Variants in PKIB observed in about 807,000 individuals in gnomAD.
The protein encoded by PKIB is cAMP-dependent protein kinase inhibitor beta, also known as PKI-beta.
PKIB carries 2 observed loss-of-function variants against 4.5 expected under a neutral mutation model. That is an observed-to-expected ratio of 0.44 (90% CI 0.18 to 1.39). The LOEUF (loss-of-function observed/expected upper bound fraction) is 1.39. Among genes scored for constraint, PKIB ranks in the 40% most tolerant of loss-of-function variants. The pLI is 0.27. For missense variants in PKIB, 94 were observed against 92.6 expected (o/e 1.02, Z -0.06); for synonymous variants, 38 against 36.0 (o/e 1.06, Z -0.20).
intron 2 of PKIB, among the ~76,000 whole-genome samples, chr6:122,503,592 A>T (rs1776310553): frequency 6.6e-6 from 1 of 152,186 alleles, no homozygotes; most frequent in South Asian, 2.1e-4. Context: ...CATGACCACA[A>T]GCTTCCTTCA....
Position 122,717,913 on chromosome 6 carries a change from A to G in PKIB, c.119A>G (p.Asp40Gly). 1 of 1,614,102 alleles carries G rather than the reference A, an allele frequency of 6.2e-7. No homozygotes were observed. The highest frequency in any genetic ancestry group is 8.5e-7 in the Non-Finnish European group (1 of 1,179,966). ...LPDIQSSAAT[D>G]GTSDLPLKLE... Reference sequence around the variant, plus strand: ...GACATCCAGAGTTCAGCTGCCACAGACGGAACCTCAGATTTGCCCCTCAAA... The same window carrying G: ...GACATCCAGAGTTCAGCTGCCACAGGCGGAACCTCAGATTTGCCCCTCAAA... The change falls in exon 4 of 5, where the codon GAC becomes GGC. Residue 40 changes from aspartate to glycine, a missense_variant. Physicochemically the swap from Asp to Gly is moderately conservative, Grantham distance 94. Coordinates refer to ENST00000368452, the MANE Select transcript of PKIB (RefSeq NM_181795.3).
intron 2 of PKIB, among the ~76,000 whole-genome samples, chr6:122,582,837 G>C (rs1292491416): frequency 6.6e-6 from 1 of 152,022 alleles, no homozygotes; most frequent in African/African-American, 2.4e-5. Context: ...ACCTAAAACA[G>C]TACCTAACAC....
At chr6:122,488,893 C>T (rs1394694412) in intron 2 of PKIB, among the ~76,000 whole-genome samples, 4 of 152,152 alleles carry the variant, frequency 2.6e-5, no homozygotes, top group Non-Finnish European at 5.9e-5. Flanking sequence ...TGTGTGTTCC[C>T]AGTGATAATT....
At chr6:122,474,831 A>G (rs540605607) in intron 1 of PKIB, among the ~76,000 whole-genome samples, 3 of 152,334 alleles carry the variant, frequency 2.0e-5, no homozygotes, top group South Asian at 4.1e-4. Flanking sequence ...CAGATAAACT[A>G]TAGTTGTGAC....
intron 2 of PKIB, among the ~76,000 whole-genome samples, chr6:122,645,801 G>A (rs1024820851): frequency 1.3e-5 from 2 of 152,164 alleles, no homozygotes; most frequent in Admixed American, 1.3e-4. Flanking sequence ...TACTGGAGCT[G>A]GGAGCCAGGA....
At chr6:122,607,560 A>G (rs1774586590), upstream of PKIB, among the ~76,000 whole-genome samples, 1 of 152,136 alleles carries the variant, frequency 6.6e-6, no homozygotes, top group Non-Finnish European at 1.5e-5. Context: ...TGAACAGGTC[A>G]TAGACCCACG....
At chr6:122,722,884 A>C (rs746946979) in intron 4 of PKIB, among the ~76,000 whole-genome samples, 3 of 152,050 alleles carry the variant, frequency 2.0e-5, no homozygotes, top group Non-Finnish European at 4.4e-5. Flanking sequence ...TAAGATTTTC[A>C]CCTCACCACA....
Position 122,678,248 on chromosome 6 carries a change from T to C in PKIB, c.-9+3104T>C, listed in dbSNP as rs184361683. On this transcript the variant is annotated intron_variant, in intron 3 of 4. Transcript: ENST00000368452. ...CAGGCATAGAAAGTGCTCTTAACTG[T>C]CCAGCTCTATGAAAGTGAGAGCATC... Among the ~76,000 whole-genome samples, 4 of 152,244 alleles carry C rather than the reference T, an allele frequency of 2.6e-5. No individual in the cohort carries two copies. In the East Asian group the frequency reaches 7.7e-4, roughly 29 times the overall value.
chr6:122,587,642 A>G (rs1043437412), intron 3 of PKIB, among the ~76,000 whole-genome samples: 6 of 152,160 alleles, frequency 3.9e-5, no homozygotes, highest in African/African-American at 1.4e-4. Context: ...CAGCCCCACC[A>G]ACAGTGTAAA....
At chr6:122,508,437 T>C (rs1396259623) in intron 2 of PKIB, among the ~76,000 whole-genome samples, 1 of 152,178 alleles carries the variant, frequency 6.6e-6, no homozygotes, top group Non-Finnish European at 1.5e-5. Context: ...TTACATAATT[T>C]GATATTTGTT....
intron 2 of PKIB, among the ~76,000 whole-genome samples, chr6:122,541,551 C>T (rs991872206): frequency 2.9e-4 from 44 of 152,090 alleles, no homozygotes; most frequent in African/African-American, 5.1e-4. Context: ...CCGAGAGATC[C>T]GCTGTTAATC....
At chr6:122,559,112 C>A (rs867212589) in intron 2 of PKIB, among the ~76,000 whole-genome samples, 6 of 151,858 alleles carry the variant, frequency 4.0e-5, no homozygotes, top group Middle Eastern at 6.8e-3. Flanking sequence ...AGTATTCCAT[C>A]ATATATATAT....
intron 3 of PKIB, among the ~76,000 whole-genome samples, chr6:122,697,459 A>C (rs1778622124): frequency 6.6e-6 from 1 of 151,852 alleles, no homozygotes; most frequent in Admixed American, 6.6e-5. Context: ...TAGGCACCTG[A>C]CCAAGCAGAG....
chr6:122,565,356 A>G (rs1214731826), intron 2 of PKIB, among the ~76,000 whole-genome samples: 1 of 152,106 alleles, frequency 6.6e-6, no homozygotes, highest in African/African-American at 2.4e-5. Context: ...CCTTTGCACT[A>G]ACTTTTTCTT....
At chr6:122,568,203 A>T (rs1773250917) in intron 2 of PKIB, among the ~76,000 whole-genome samples, 1 of 152,214 alleles carries the variant, frequency 6.6e-6, no homozygotes, top group African/African-American at 2.4e-5. Context: ...TTAAAGTAAA[A>T]AAATTACTGA....
chr6:122,577,523 C>T (rs1336802145), intron 2 of PKIB, among the ~76,000 whole-genome samples: 1 of 152,012 alleles, frequency 6.6e-6, no homozygotes, highest in African/African-American at 2.4e-5. Flanking sequence ...AAAAACTACC[C>T]ATTTCTTCTC....
chr6:122,629,698 G>A (rs1775612586), intron 1 of PKIB, among the ~76,000 whole-genome samples: 1 of 152,162 alleles, frequency 6.6e-6, no homozygotes, highest in Non-Finnish European at 1.5e-5. Context: ...ATGATGTGAT[G>A]AAAATGGCAC....
intron 3 of PKIB, among the ~76,000 whole-genome samples, chr6:122,703,942 AGAGAGAGAGAGAG>A (rs1778946615): frequency 1.4e-5 from 1 of 70,972 alleles, no homozygotes; most frequent in African/African-American, 5.8e-5. Context: ...ATATATATAT[AGAGAGAGAGAGAG>A]AGAGAGAGAG....
intron 3 of PKIB, among the ~76,000 whole-genome samples, chr6:122,714,219 C>T (rs1438632999): frequency 1.3e-5 from 2 of 152,090 alleles, no homozygotes; most frequent in Admixed American, 6.6e-5. Flanking sequence ...TGAGGCTGGG[C>T]GGGGTTAGCT....
Sources: allele counts gnomAD v4.1 joint callset (sites outside exome capture counted in the v4.1 genomes callset), GRCh38; gene constraint gnomAD v4.1.1; transcripts MANE v1.5; gene names NCBI Gene and HGNC (gene_info 2026-07-23, HGNC 2026-07-21).